FAM107A: variants seen among roughly 807,000 people sequenced by gnomAD.
FAM107A encodes the protein family with sequence similarity 107 member A, also known as actin-associated protein FAM107A.
In FAM107A, 19 loss-of-function variants were observed where a neutral mutation model predicts 13.7. The observed-to-expected ratio is 1.38, with a 90% CI of 0.97 to 2.03. FAM107A has a LOEUF of 2.03. Ranked by LOEUF, FAM107A falls within the 30% of genes most tolerant of loss-of-function variation. The probability of loss-of-function intolerance (pLI) is 0.00; values close to 1 mark genes in which losing one functional copy is unlikely to be tolerated. For missense variants in FAM107A, 203 were observed against 184.4 expected (o/e 1.10, Z -0.58); for synonymous variants, 82 against 74.5 (o/e 1.10, Z -0.52).
Position 58,571,460 on chromosome 3 carries a change from T to A in FAM107A, c.-5-1595A>T, listed in dbSNP as rs541898373. 6.0e-4 allele frequency among the ~76,000 whole-genome samples: 91 copies of A among 152,246 alleles called. 1 individual carries two copies. Among genetic ancestry groups the A allele is most frequent in the African/African-American group, 2.0e-3 (84 of 41,570 alleles). On this transcript the variant is annotated intron_variant, in intron 1 of 3. Coordinates refer to ENST00000360997, the MANE Select transcript of FAM107A (RefSeq NM_001076778.3). Reference sequence around the variant, plus strand: ...CTTATTAACTTCCCTTTTTTTCTCATCTTTTTCATAAGGCTGTTTGCTTTC... The same window carrying A: ...CTTATTAACTTCCCTTTTTTTCTCAACTTTTTCATAAGGCTGTTTGCTTTC...
chr3:58,610,337 G>A (rs2065841451), intron 1 of FAM107A, among the ~76,000 whole-genome samples: 1 of 152,298 alleles, frequency 6.6e-6, no homozygotes, highest in East Asian at 1.9e-4. Context: ...TCTCATGCCG[G>A]ACCCCTTACC....
chr3:58,601,822 G>A (rs899209138), intron 1 of FAM107A, among the ~76,000 whole-genome samples: 18 of 152,156 alleles, frequency 1.2e-4, no homozygotes, highest in African/African-American at 4.1e-4. Flanking sequence ...TAATCACCCC[G>A]GAATGTATTT....
intron 1 of FAM107A, among the ~76,000 whole-genome samples, chr3:58,572,343 G>T (rs966679253): frequency 1.3e-5 from 2 of 152,094 alleles, no homozygotes; most frequent in Admixed American, 6.5e-5. Flanking sequence ...GACCACAAAA[G>T]GCTCCAGGCT....
At position 58,566,609 on chromosome 3, in the gene FAM107A, G is replaced by A. The variant is rs940394981; in HGVS notation, c.414C>T (p.Thr138=). 1.9e-6 allele frequency: 3 copies of A among 1,613,562 alleles called. No individual in the cohort carries two copies. The highest frequency in any genetic ancestry group is 1.7e-5 in the Admixed American group (1 of 60,016). The change falls in exon 4 of 4, where the codon ACC becomes ACT. Residue 138 remains threonine, a synonymous_variant. Transcript: ENST00000360997. ...GGCCCTACAGCTCTCTCTCTTCGCT[G>A]GTCAGTGTGGCAATTCTCCGCAGGT... is the stretch of plus-strand genomic sequence containing the variant. ...RENLRRIATL[T]SEEREL is the part of the protein sequence containing the mutation.
intron 1 of FAM107A, among the ~76,000 whole-genome samples, chr3:58,599,695 C>CCTTTTTTTTTT (rs1559483413): frequency 4.4e-5 from 2 of 45,744 alleles, no homozygotes; most frequent in Non-Finnish European, 1.1e-4. Flanking sequence ...ACAAGTGCAC[C>CCTTTTTTTTTT]ATTTTTTTTT....
At chr3:58,592,992 C>T (rs1211601168) in intron 1 of FAM107A, among the ~76,000 whole-genome samples, 1 of 152,178 alleles carries the variant, frequency 6.6e-6, no homozygotes, top group Non-Finnish European at 1.5e-5. Context: ...GACACCCTAG[C>T]TGGACAATCA....
In FAM107A at chr3:58,569,842, T is replaced by G. The variant is rs775843558; in HGVS notation, c.19A>C (p.Arg7=). MYSEIQ[R]ERADIGGLMA... ...AGGCCCCCAATGTCTGCCCGCTCCC[T>G]CTGGATCTCCGAGTACATGGCGGCT... The change falls in exon 2 of 4, where the codon AGG becomes CGG. Residue 7 remains arginine (R), a synonymous_variant. Transcript: ENST00000360997. The surrounding 1 kb of genome is among the most constrained non-coding windows in gnomAD (Gnocchi z 5.7). 1 of 1,614,016 alleles carries G rather than the reference T, an allele frequency of 6.2e-7. No homozygotes were observed. Among genetic ancestry groups the G allele is most frequent in the Non-Finnish European group, 8.5e-7 (1 of 1,179,986 alleles).
At chr3:58,581,183 G>T (rs1181379105), upstream of FAM107A, among the ~76,000 whole-genome samples, 1 of 152,350 alleles carries the variant, frequency 6.6e-6, no homozygotes, top group South Asian at 2.1e-4. Context: ...GTGAGCTGGG[G>T]CATCAAAGGG....
At position 58,596,540 on chromosome 3, in the gene FAM107A, C is replaced by G. The variant is rs916986320; in HGVS notation, c.-69-7271G>C. Among the ~76,000 whole-genome samples, 39 of 152,026 alleles carry G rather than the reference C, an allele frequency of 2.6e-4. 1 individual carries two copies. Among genetic ancestry groups the G allele is most frequent in the African/African-American group, 9.4e-4 (39 of 41,446 alleles). On this transcript the variant is annotated intron_variant, in intron 1 of 3. Transcript: ENST00000465970. ...TAAAAATACAAAAAATTAGCCGGACCTGGTGATGGGTGCCTGTAATCCCAG... is the reference window on the plus strand; with the variant it reads ...TAAAAATACAAAAAATTAGCCGGACGTGGTGATGGGTGCCTGTAATCCCAG...
chr3:58,598,257 C>T (rs931465408), intron 1 of FAM107A, among the ~76,000 whole-genome samples: 1 of 152,326 alleles, frequency 6.6e-6, no homozygotes, highest in African/African-American at 2.4e-5. Context: ...GTGCTGGGCT[C>T]TGTTTGGAGC....
rs11539084 is a variant in FAM107A at position 58,569,775 on chromosome 3, A to G, written c.86T>C (p.Ile29Thr). Residue 29 changes from isoleucine (I) to threonine (T), a missense_variant, in exon 2 of 4, where the codon ATC becomes ACC. By Grantham distance (89) the Ile-to-Thr change is moderately conservative (BLOSUM62 -1). Transcript: ENST00000360997. The surrounding 1 kb of genome is among the most constrained non-coding windows in gnomAD (Gnocchi z 5.7). Reference sequence around the variant, plus strand: ...GGGGTTCAGCAGCTTCTTGGGCTTGATGAGCTCCGGATTCCACTCTCTGTA... The same window carrying G: ...GGGGTTCAGCAGCTTCTTGGGCTTGGTGAGCTCCGGATTCCACTCTCTGTA... The part of the protein sequence containing the change: ...PEYREWNPEL[I>T]KPKKLLNPVK... The G allele has an allele frequency of 6.2e-7, 1 of 1,613,928 alleles. No homozygotes were observed. Among genetic ancestry groups the G allele is most frequent in the Non-Finnish European group, 8.5e-7 (1 of 1,179,944 alleles).
intron 1 of FAM107A, among the ~76,000 whole-genome samples, chr3:58,616,859 C>T (rs893766986): frequency 4.6e-5 from 7 of 152,230 alleles, no homozygotes; most frequent in East Asian, 3.9e-4. Flanking sequence ...CTGCAAGCTC[C>T]GCCTCCCGGG....
intron 1 of FAM107A, among the ~76,000 whole-genome samples, chr3:58,597,135 T>A (rs578149483): frequency 3.0e-4 from 45 of 152,334 alleles, no homozygotes; most frequent in African/African-American, 1.1e-3. Context: ...TTTTTGGCTA[T>A]CACTCCTAAA....
intron 1 of FAM107A, among the ~76,000 whole-genome samples, chr3:58,623,948 C>T (rs993616827): frequency 1.3e-5 from 2 of 152,218 alleles, no homozygotes; most frequent in African/African-American, 4.8e-5. Flanking sequence ...GCAGGGCAGC[C>T]TCTGGAAGCT....
upstream of FAM107A, among the ~76,000 whole-genome samples, chr3:58,578,956 C>G (rs1185006876): frequency 1.3e-5 from 2 of 152,210 alleles, no homozygotes; most frequent in African/African-American, 4.8e-5. Flanking sequence ...TGGCACTGTT[C>G]TAAGTGCTGG....
chr3:58,624,994 G>T (rs1354534426), intron 1 of FAM107A, among the ~76,000 whole-genome samples: 1 of 152,034 alleles, frequency 6.6e-6, no homozygotes, highest in Non-Finnish European at 1.5e-5. Context: ...GGAGGTTGGG[G>T]TGGGGCTGAG....
intron 1 of FAM107A, among the ~76,000 whole-genome samples, chr3:58,573,986 T>C (rs961276151): frequency 6.6e-6 from 1 of 152,240 alleles, no homozygotes; most frequent in African/African-American, 2.4e-5. Flanking sequence ...GAGGTGATAC[T>C]TGCAAGGTGC....
At position 58,569,049 on chromosome 3, in the gene FAM107A, G is replaced by C. The variant is rs938988021; in HGVS notation, c.170+642C>G. Among the ~76,000 whole-genome samples, 4 of 152,144 alleles carry C rather than the reference G, an allele frequency of 2.6e-5. No homozygotes were observed. Among genetic ancestry groups the C allele is most frequent in the African/African-American group, 9.7e-5 (4 of 41,418 alleles). On this transcript the variant is annotated intron_variant, in intron 2 of 3. Transcript: ENST00000360997. The surrounding 1 kb of genome is among the most constrained non-coding windows in gnomAD (Gnocchi z 5.7). The stretch of plus-strand genomic sequence containing the variant: ...TCACCAGACGGGCCCACCACACCTT[G>C]TGCCCCTGCTGTAGACCTTTCCTTA...
At position 58,569,706 on chromosome 3, in the gene FAM107A, A is replaced by G. The variant is rs757511749; in HGVS notation, c.155T>C (p.Leu52Pro). 1.2e-5 allele frequency: 19 copies of G among 1,613,328 alleles called. 1 individual carries two copies. In the South Asian group the frequency reaches 2.1e-4, roughly 18 times the overall value. Residue 52 changes from leucine to proline, a missense_variant, in exon 2 of 4, where the codon CTC becomes CCC. Transcript: ENST00000360997. This position sits in a 1 kb window ranked among gnomAD's most constrained non-coding sequence, Gnocchi z 5.7. ...RSHQELHREL[L>P]MNHRRGLGVD... ...TCATCCCTACCTTCTGTGGTTCATGAGCAGCTCCCGGTGGAGCTCCTGGTG... is the reference window on the plus strand; with the variant it reads ...TCATCCCTACCTTCTGTGGTTCATGGGCAGCTCCCGGTGGAGCTCCTGGTG...
Sources: gnomAD v4.1 joint callset for allele counts (sites outside exome capture counted in the v4.1 genomes callset) on GRCh38, gnomAD v4.1.1 for gene constraint, Gnocchi (gnomAD v3.1) non-coding constraint, MANE v1.5 for transcripts, NCBI Gene and HGNC (gene_info 2026-07-23, HGNC 2026-07-21) for gene names.